ZFHX3: variants seen among roughly 807,000 people sequenced by gnomAD.
The protein encoded by ZFHX3 is zinc finger homeobox 3.
In ZFHX3, 42 loss-of-function variants were observed where a neutral mutation model predicts 279.1. That is an observed-to-expected ratio of 0.15 (90% CI 0.12 to 0.19). ZFHX3 has a LOEUF of 0.19. ZFHX3 is among the 10% of genes least tolerant of loss of function. The probability of loss-of-function intolerance (pLI) is 1.00; values close to 1 mark genes in which losing one functional copy is unlikely to be tolerated. For missense variants in ZFHX3, 4,981 were observed against 4,754.0 expected (o/e 1.05, Z -1.40); for synonymous variants, 2,293 against 1,957.8 (o/e 1.17, Z -4.52).
intron 2 of ZFHX3, among the ~76,000 whole-genome samples, chr16:73,676,638 G>A (rs919116988): frequency 5.3e-5 from 8 of 151,830 alleles, no homozygotes; most frequent in South Asian, 4.1e-4. Flanking sequence ...AACAATGTAC[G>A]TAAATGGCTT....
At chr16:73,524,574 A>G (rs961535538) in intron 2 of ZFHX3, among the ~76,000 whole-genome samples, 10 of 152,196 alleles carry the variant, frequency 6.6e-5, no homozygotes, top group Non-Finnish European at 1.5e-4. Context: ...ACGTTCTGGA[A>G]TGAATGAACT....
chr16:73,466,706 T>C (rs1029418232), intron 2 of ZFHX3, among the ~76,000 whole-genome samples: 1 of 152,182 alleles, frequency 6.6e-6, no homozygotes, highest in African/African-American at 2.4e-5. Flanking sequence ...TCTCAACCCA[T>C]GGCAGTGTTC....
intron 4 of ZFHX3, among the ~76,000 whole-genome samples, chr16:73,304,638 C>CT (rs1323807378): frequency 6.6e-6 from 1 of 152,232 alleles, no homozygotes; most frequent in African/African-American, 2.4e-5. Context: ...CTCCAGCCCT[C>CT]TTATCTAAAG....
At chr16:73,637,977 T>C (rs1311248336) in intron 2 of ZFHX3, among the ~76,000 whole-genome samples, 1 of 152,200 alleles carries the variant, frequency 6.6e-6, no homozygotes, top group East Asian at 1.9e-4. Context: ...GATGTGTCAT[T>C]TTAATCTGTC....
chr16:73,738,645 G>A (rs1295802259), intron 1 of ZFHX3, among the ~76,000 whole-genome samples: 1 of 152,192 alleles, frequency 6.6e-6, no homozygotes, highest in Non-Finnish European at 1.5e-5. Context: ...AAGAAAAGGG[G>A]ACGTTTCATG....
chr16:73,539,502 G>A (rs1282617122), intron 2 of ZFHX3, among the ~76,000 whole-genome samples: 1 of 128,638 alleles, frequency 7.8e-6, no homozygotes, highest in African/African-American at 3.0e-5. Context: ...ATTACCTCAG[G>A]CAAACTCTCT....
rs114435488 is a variant in ZFHX3, at chr16:73,755,079, T to A, written c.-1607-74839A>T. On this transcript the variant is annotated intron_variant, in intron 1 of 17. Coordinates refer to the ZFHX3 transcript ENST00000641206. ...ATAATTGAAGTTCAGGGAGTTCCAGTGTGGATGAATGATAAATTCATTCAT... is the reference window on the plus strand; with the variant it reads ...ATAATTGAAGTTCAGGGAGTTCCAGAGTGGATGAATGATAAATTCATTCAT... 3.6e-3 allele frequency among the ~76,000 whole-genome samples: 541 copies of A among 152,310 alleles called. 3 individuals are homozygous for A. The highest frequency in any genetic ancestry group is 0.012 in the African/African-American group (507 of 41,570).
At chr16:72,863,254 G>C (rs1238347792) in intron 4 of ZFHX3, among the ~76,000 whole-genome samples, 1 of 148,830 alleles carries the variant, frequency 6.7e-6, no homozygotes, top group Non-Finnish European at 1.5e-5. Context: ...TGTAATCCCA[G>C]TGCTTTGGGA....
intron 2 of ZFHX3, among the ~76,000 whole-genome samples, chr16:73,569,591 GC>G (rs564863191): frequency 2.0e-5 from 3 of 152,060 alleles, no homozygotes; most frequent in Non-Finnish European, 4.4e-5. Flanking sequence ...TGCAGACTGA[GC>G]TAAATGAATC....
chr16:73,422,057 C>A (rs2017728748), intron 3 of ZFHX3, among the ~76,000 whole-genome samples: 1 of 152,190 alleles, frequency 6.6e-6, no homozygotes, highest in African/African-American at 2.4e-5. Context: ...CCGGGGCAAA[C>A]AGGCAGCACA....
intron 2 of ZFHX3, among the ~76,000 whole-genome samples, chr16:73,498,702 A>T (rs2019183553): frequency 6.6e-6 from 1 of 152,206 alleles, no homozygotes; most frequent in Non-Finnish European, 1.5e-5. Flanking sequence ...AGGATTGGGT[A>T]GCAGAAGAAG....
chr16:73,158,058 T>A lies in ZFHX3; in HGVS notation c.-1103-14227A>T, dbSNP rs11865406. The stretch of plus-strand genomic sequence containing the variant: ...GGGAGGGTCACATTTTTGGAGGAAA[T>A]CATGTGGTATTTTGGTAATCCTTTG... On this transcript the variant is annotated intron_variant, in intron 5 of 17. Coordinates refer to the ZFHX3 transcript ENST00000641206. Among the ~76,000 whole-genome samples, 567 of 152,074 alleles carry A rather than the reference T, an allele frequency of 3.7e-3. 5 individuals carry two copies. The highest frequency in any genetic ancestry group is 0.013 in the African/African-American group (551 of 41,506).
intron 1 of ZFHX3, among the ~76,000 whole-genome samples, chr16:72,978,715 A>T (rs955676833): frequency 3.3e-5 from 5 of 152,344 alleles, no homozygotes; most frequent in Admixed American, 6.5e-5. Context: ...AGGGATGCAG[A>T]ATAAACATCC....
intron 2 of ZFHX3, among the ~76,000 whole-genome samples, chr16:73,488,454 G>A (rs1052048103): frequency 6.6e-6 from 1 of 152,162 alleles, no homozygotes; most frequent in Non-Finnish European, 1.5e-5. Flanking sequence ...GCAGGCCATG[G>A]CACTGTCAGC....
intron 1 of ZFHX3, among the ~76,000 whole-genome samples, chr16:73,758,939 C>T (rs2053837215): frequency 6.6e-6 from 1 of 152,182 alleles, no homozygotes; most frequent in Non-Finnish European, 1.5e-5. Context: ...AAAGACAAAA[C>T]TGAGGCTCAG....
At chr16:72,971,046 T>C (rs1223554372) in intron 1 of ZFHX3, among the ~76,000 whole-genome samples, 3 of 152,214 alleles carry the variant, frequency 2.0e-5, no homozygotes, top group African/African-American at 7.2e-5. Context: ...GCTTTTTTCC[T>C]CTGCACGTTT....
At chr16:73,299,867 A>G (rs1345916898) in intron 4 of ZFHX3, among the ~76,000 whole-genome samples, 1 of 152,226 alleles carries the variant, frequency 6.6e-6, no homozygotes, top group Non-Finnish European at 1.5e-5. Flanking sequence ...ACAATTACCA[A>G]AAACAATTAG....
rs1489608189 is a variant in ZFHX3 at position 73,415,281 on chromosome 16, G to C, written c.-1291+40722C>G. On this transcript the variant is annotated intron_variant, in intron 3 of 17. Transcript: ENST00000641206. ...ACAGACTTGGCTTATAAGACATTAAGAAAATTTTTAGTCTTGAGGTCTGCA... is the reference window on the plus strand; with the variant it reads ...ACAGACTTGGCTTATAAGACATTAACAAAATTTTTAGTCTTGAGGTCTGCA... Among the ~76,000 whole-genome samples, 3 of 152,298 alleles carry C rather than the reference G, an allele frequency of 2.0e-5. No homozygotes were observed. In the East Asian group the frequency reaches 5.8e-4, roughly 29 times the overall value.
intron 2 of ZFHX3, chr16:73,504,896 T>C (rs2019298637): frequency 6.6e-6 from 1 of 151,346 alleles, no homozygotes; most frequent in South Asian, 2.1e-4. Flanking sequence ...GGAAGTGGAA[T>C]CACACAGGAA....
Sources: gnomAD v4.1 joint callset for allele counts (sites outside exome capture counted in the v4.1 genomes callset) on GRCh38, gnomAD v4.1.1 for gene constraint, MANE v1.5 for transcripts, NCBI Gene and HGNC (gene_info 2026-07-23, HGNC 2026-07-21) for gene names.